COL23A1: variants seen among roughly 807,000 people sequenced by gnomAD.
The protein encoded by COL23A1 is collagen alpha-1(XXIII) chain.
Under a neutral mutation model 99.3 loss-of-function variants are expected in COL23A1, and 97 were observed. The observed-to-expected ratio is 0.98, with a 90% CI of 0.83 to 1.16. COL23A1 has a LOEUF of 1.16. Among genes scored for constraint, COL23A1 ranks in the 50% most tolerant of loss-of-function variants. The probability of loss-of-function intolerance (pLI) is 0.00; values close to 1 mark genes in which losing one functional copy is unlikely to be tolerated. For missense variants in COL23A1, 762 were observed against 757.4 expected (o/e 1.01, Z -0.07); for synonymous variants, 320 against 308.2 (o/e 1.04, Z -0.40).
At chr5:178,471,128 G>T (rs996129805) in intron 2 of COL23A1, among the ~76,000 whole-genome samples, 5 of 152,228 alleles carry the variant, frequency 3.3e-5, no homozygotes, top group African/African-American at 1.2e-4. Context: ...TGGCTAATTT[G>T]CAGAGCAGTT....
intron 2 of COL23A1, among the ~76,000 whole-genome samples, chr5:178,511,971 G>A (rs370759490): frequency 2.0e-5 from 3 of 152,278 alleles, no homozygotes; most frequent in South Asian, 2.1e-4. Context: ...TAGAGATTTC[G>A]TAACTATCTT....
intron 2 of COL23A1, among the ~76,000 whole-genome samples, chr5:178,380,040 T>C (rs1288311332): frequency 6.6e-6 from 1 of 152,172 alleles, no homozygotes; most frequent in African/African-American, 2.4e-5. Flanking sequence ...TCAGGGCTAG[T>C]TCCTGAACCG....
rs569437983 is a variant in COL23A1 at position 178,354,877 on chromosome 5, T to C, written c.362-47958A>G. On this transcript the variant is annotated intron_variant, in intron 2 of 28. Transcript: ENST00000390654. ...TTCGAAACCAGCCTGGGCAATACGG[T>C]GAAACCCCGTCTCTAGTAAAAATAC... Among the ~76,000 whole-genome samples the C allele has an allele frequency of 9.2e-5, 14 of 152,076 alleles. No individual in the cohort carries two copies. In the South Asian group the frequency reaches 2.9e-3, roughly 32 times the overall value.
intron 2 of COL23A1, among the ~76,000 whole-genome samples, chr5:178,488,827 G>C (rs1757774280): frequency 6.6e-6 from 1 of 152,206 alleles, no homozygotes; most frequent in South Asian, 2.1e-4. Flanking sequence ...AATGGGATGG[G>C]CTCTGCCAGG....
intron 2 of COL23A1, among the ~76,000 whole-genome samples, chr5:178,401,711 C>T (rs1258240937): frequency 2.0e-5 from 3 of 152,176 alleles, no homozygotes; most frequent in African/African-American, 7.2e-5. Context: ...GATACACTAC[C>T]CAACTGTCTT....
Position 178,288,365 on chromosome 5 carries a change from A to G in COL23A1, c.415-15T>C, listed in dbSNP as rs762031544. The G allele has an allele frequency of 2.5e-6, 4 of 1,608,746 alleles. No individual in the cohort carries two copies. The African/African-American group carries it at 4.0e-5, about 16-fold the overall frequency. The stretch of plus-strand genomic sequence containing the variant: ...CCTGATTGCCCCTGTGGTAATTAAT[A>G]TGTCATTAATAATCAGAGTTTCGGC... On this transcript the variant is annotated splice_polypyrimidine_tract_variant and intron_variant, in intron 4 of 28. Coordinates refer to ENST00000390654, the MANE Select transcript of COL23A1 (RefSeq NM_173465.4).
rs1245828908 is a variant in COL23A1, at chr5:178,428,106, T to C, written c.362-121187A>G. 6.6e-6 allele frequency among the ~76,000 whole-genome samples: 1 copy of C among 152,150 alleles called. No homozygotes were observed. Among genetic ancestry groups the C allele is most frequent in the Non-Finnish European group, 1.5e-5 (1 of 68,024 alleles). On this transcript the variant is annotated intron_variant, in intron 2 of 28. Transcript: ENST00000390654. This position sits in a 1 kb window ranked among gnomAD's most constrained non-coding sequence, Gnocchi z 5.0. ...TCCTCCAGTCCAGCCTTTCCAGCAATGAGGGTATCATCAAAAGCCCACATC... is the reference window on the plus strand; with the variant it reads ...TCCTCCAGTCCAGCCTTTCCAGCAACGAGGGTATCATCAAAAGCCCACATC...
intron 2 of COL23A1, among the ~76,000 whole-genome samples, chr5:178,312,956 G>A (rs930332528): frequency 2.0e-5 from 3 of 152,182 alleles, no homozygotes; most frequent in South Asian, 2.1e-4. Flanking sequence ...AAACGTCCAC[G>A]GACAGAAGAA....
At chr5:178,338,632 G>A (rs1760485793) in intron 2 of COL23A1, among the ~76,000 whole-genome samples, 1 of 151,840 alleles carries the variant, frequency 6.6e-6, no homozygotes, top group Non-Finnish European at 1.5e-5. Context: ...CCAGCACCGG[G>A]TAAGGTGTTG....
At chr5:178,338,907 C>T (rs1430835395) in intron 2 of COL23A1, among the ~76,000 whole-genome samples, 5 of 152,146 alleles carry the variant, frequency 3.3e-5, no homozygotes, top group Admixed American at 1.3e-4. Flanking sequence ...GAATGAAGGC[C>T]AGAGACAGGC....
intron 2 of COL23A1, among the ~76,000 whole-genome samples, chr5:178,349,810 A>G (rs1761215142): frequency 6.6e-6 from 1 of 152,124 alleles, no homozygotes; most frequent in African/African-American, 2.4e-5. Flanking sequence ...GTGTGGCTTC[A>G]GCTCCACTAG....
rs1477158875 is a variant in COL23A1, at chr5:178,589,917, C to T, written c.281G>A (p.Arg94His). ...CAAGACGCTCACCTCCCGCAGCAGGCGCTCCAGGTGCGGCTCGGCCCAGGC... is the reference window on the plus strand; with the variant it reads ...CAAGACGCTCACCTCCCGCAGCAGGTGCTCCAGGTGCGGCTCGGCCCAGGC... ...LDAWAEPHLE[R>H]LLREKLDGLA... Residue 94 changes from arginine (R) to histidine (H), a missense_variant, in exon 1 of 29, where the codon CGC becomes CAC. Coordinates refer to ENST00000390654, the MANE Select transcript of COL23A1 (RefSeq NM_173465.4). This position sits in a 1 kb window ranked among gnomAD's most constrained non-coding sequence, Gnocchi z 5.4. The T allele has an allele frequency of 2.3e-6, 3 of 1,318,126 alleles. No individual in the cohort carries two copies. Among genetic ancestry groups the T allele is most frequent in the South Asian group, 2.1e-5 (1 of 47,192 alleles). The allele number at this position is 1,318,126 out of a possible 1,614,324, so 81.7% of individuals were successfully genotyped here.
chr5:178,325,869 C>T (rs530730846), intron 2 of COL23A1, among the ~76,000 whole-genome samples: 1 of 152,332 alleles, frequency 6.6e-6, no homozygotes, highest in South Asian at 2.1e-4. Flanking sequence ...GGCCTTTTTC[C>T]CTTTTTAACT....
chr5:178,501,529 T>A (rs1758533354), intron 2 of COL23A1, among the ~76,000 whole-genome samples: 1 of 151,286 alleles, frequency 6.6e-6, no homozygotes, highest in African/African-American at 2.4e-5. Context: ...TGAGCCAGAT[T>A]GTGCCACTGC....
At chr5:178,331,522 C>A (rs1473523653) in intron 2 of COL23A1, among the ~76,000 whole-genome samples, 1 of 152,220 alleles carries the variant, frequency 6.6e-6, no homozygotes, top group African/African-American at 2.4e-5. Flanking sequence ...CCAGGTGCCT[C>A]AGAGCCCTGT....
chr5:178,309,410 G>A lies in COL23A1; in HGVS notation c.362-2491C>T, dbSNP rs951259662. 9.2e-5 allele frequency among the ~76,000 whole-genome samples: 14 copies of A among 152,276 alleles called. No individual in the cohort carries two copies. Among genetic ancestry groups the A allele is most frequent in the Admixed American group, 7.2e-4 (11 of 15,302 alleles). On this transcript the variant is annotated intron_variant, in intron 2 of 28. Transcript: ENST00000390654. The surrounding 1 kb of genome is among the most constrained non-coding windows in gnomAD (Gnocchi z 4.7). The stretch of plus-strand genomic sequence containing the variant: ...GGGCCTGTGAGCCGCAGGCCAGGCA[G>A]GCTGGATGTGACCCCGACTGAATAG...
intron 2 of COL23A1, among the ~76,000 whole-genome samples, chr5:178,328,550 G>A (rs55698123): frequency 0.02 from 3,060 of 152,312 alleles, 39 homozygotes; most frequent in South Asian, 0.051. Flanking sequence ...TCTATTCATG[G>A]CTTTCTTAGG....
intron 2 of COL23A1, among the ~76,000 whole-genome samples, chr5:178,458,586 G>C (rs1343801690): frequency 1.3e-5 from 2 of 151,580 alleles, no homozygotes; most frequent in Admixed American, 6.6e-5. Flanking sequence ...GCAGTGAGCT[G>C]AGATTGCATC....
At chr5:178,554,949 C>T (rs558641900) in intron 2 of COL23A1, among the ~76,000 whole-genome samples, 2 of 152,308 alleles carry the variant, frequency 1.3e-5, no homozygotes, top group East Asian at 3.9e-4. Flanking sequence ...GACTTTTCAT[C>T]TTTCCAAACA....
Sources: gnomAD v4.1 joint callset for allele counts (sites outside exome capture counted in the v4.1 genomes callset) on GRCh38, gnomAD v4.1.1 for gene constraint, Gnocchi (gnomAD v3.1) non-coding constraint, MANE v1.5 for transcripts, NCBI Gene and HGNC (gene_info 2026-07-23, HGNC 2026-07-21) for gene names.